The following MTCL1 variants were observed in gnomAD, a reference collection of about 807,000 sequenced individuals.
MTCL1 encodes the protein microtubule crosslinking factor 1.
MTCL1 carries 79 observed loss-of-function variants against 141.4 expected under a neutral mutation model. The ratio of observed to expected loss-of-function variants is 0.56; its 90% CI spans 0.47 to 0.67. The LOEUF (loss-of-function observed/expected upper bound fraction) is 0.67, where lower values mean the gene tolerates loss of function less well. MTCL1 is among the 30% of genes least tolerant of loss of function. The pLI is 0.00. For missense variants in MTCL1, 2,177 were observed against 2,113.9 expected (o/e 1.03, Z -0.59); for synonymous variants, 914 against 875.8 (o/e 1.04, Z -0.77).
At chr18:8,821,644 T>C (rs2076849766) in intron 14 of MTCL1, 146 bp downstream of exon 13, 3 of 504,466 alleles carry the variant, frequency 5.9e-6, no homozygotes, top group Non-Finnish European at 1.1e-5. Flanking sequence ...TGCTTTATTA[T>C]TCATTTCATA....
At position 8,709,908 on chromosome 18, in the gene MTCL1, C is replaced by T. The variant is rs1170175070; in HGVS notation, c.1053+3195C>T. The stretch of plus-strand genomic sequence containing the variant: ...AGGCTGGAATGCAGTGGCGTGATCT[C>T]GGCTCACTGCACCCTCCGCCTCCCA... On this transcript the variant is annotated intron_variant, in intron 1 of 13. Transcript: ENST00000306329. Among the ~76,000 whole-genome samples, 3 of 152,068 alleles carry T rather than the reference C, an allele frequency of 2.0e-5. No individual in the cohort carries two copies. In the East Asian group the frequency reaches 5.8e-4, roughly 29 times the overall value.
intron 7 of MTCL1, among the ~76,000 whole-genome samples, chr18:8,787,931 GTGTGAA>G (rs2075575460): frequency 6.6e-6 from 1 of 152,182 alleles, no homozygotes; most frequent in Non-Finnish European, 1.5e-5. Flanking sequence ...CCTGTCCCTG[GTGTGAA>G]TGTCACTCTG....
At chr18:8,813,031 G>A in exon 12 of MTCL1, 1 of 1,614,214 alleles carries the variant, frequency 6.2e-7, no homozygotes. Context: ...TCCGCTGAGA[G>A]CAAGGGGGCC....
intron 4 of MTCL1, among the ~76,000 whole-genome samples, chr18:8,765,447 TGTG>T (rs2096455319): frequency 6.6e-6 from 1 of 152,208 alleles, no homozygotes; most frequent in Admixed American, 6.5e-5. Flanking sequence ...CAGAGGCAGC[TGTG>T]ATATGGGCAA....
At chr18:8,831,830 A>T (rs750291343) in exon 17 of MTCL1, 1 of 1,549,306 alleles carries the variant, frequency 6.5e-7, no homozygotes, top group South Asian at 1.2e-5. Context: ...TCACAGTATA[A>T]TTCACTGTAA....
At position 8,768,867 on chromosome 18, in the gene MTCL1, C is replaced by G. The variant is rs551618872; in HGVS notation, c.358-8966C>G. On this transcript the variant is annotated intron_variant, in intron 4 of 16. Transcript: ENST00000359865. ...AGTGCAGTGGCGCGATCTTGGCTCACTGCAACCTCCACCTCCCAGGTTCAA... is the reference window on the plus strand; with the variant it reads ...AGTGCAGTGGCGCGATCTTGGCTCAGTGCAACCTCCACCTCCCAGGTTCAA... Among the ~76,000 whole-genome samples, 103 of 149,552 alleles carry G rather than the reference C, an allele frequency of 6.9e-4. 1 individual carries two copies. Among genetic ancestry groups the G allele is most frequent in the Non-Finnish European group, 1.4e-3 (93 of 67,686 alleles).
exon 11 of MTCL1, chr18:8,806,940 G>A: frequency 6.2e-7 from 1 of 1,613,792 alleles, no homozygotes; most frequent in Non-Finnish European, 8.5e-7. Flanking sequence ...CCTTGCTGGA[G>A]GACTTCCGTG....
chr18:8,782,503 C>T (rs1434802848), intron 5 of MTCL1: 1 of 152,212 alleles, frequency 6.6e-6, no homozygotes, highest in African/African-American at 2.4e-5. Context: ...GTTGACTTTC[C>T]ACTGGACCCA....
intron 7 of MTCL1, chr18:8,786,462 A>G: frequency 2.3e-6 from 1 of 432,962 alleles, no homozygotes; most frequent in South Asian, 1.8e-5. Context: ...CTCTGGAGGA[A>G]ACTCTCCTTA....
At chr18:8,739,244 C>T (rs1176086166) in intron 4 of MTCL1, among the ~76,000 whole-genome samples, 1 of 151,882 alleles carries the variant, frequency 6.6e-6, no homozygotes, top group African/African-American at 2.4e-5. Context: ...GACCCTGTCT[C>T]TAAAAAAATT....
intron 4 of MTCL1, among the ~76,000 whole-genome samples, chr18:8,726,038 G>A (rs545498624): frequency 7.4e-4 from 112 of 151,828 alleles, no homozygotes; most frequent in Non-Finnish European, 1.3e-3. Context: ...TGATCTGCCC[G>A]CCTCGGCCTC....
chr18:8,782,170 C>G (rs538674888), intron 5 of MTCL1: 2 of 152,226 alleles, frequency 1.3e-5, no homozygotes, highest in African/African-American at 4.8e-5. Context: ...GCACACGTGA[C>G]GATCCGAAGG....
intron 4 of MTCL1, among the ~76,000 whole-genome samples, chr18:8,758,081 A>G (rs577740590): frequency 3.3e-5 from 5 of 149,908 alleles, no homozygotes; most frequent in African/African-American, 9.9e-5. Context: ...GGAGAGTGCA[A>G]TGGCGCGATC....
chr18:8,827,761 A>G (rs1014462362), intron 15 of MTCL1, among the ~76,000 whole-genome samples: 1 of 152,218 alleles, frequency 6.6e-6, no homozygotes, highest in Admixed American at 6.5e-5. Flanking sequence ...AATAGAAATT[A>G]TTCTTTAAGA....
At chr18:8,711,606 A>G (rs2096092860) in intron 1 of MTCL1, among the ~76,000 whole-genome samples, 1 of 151,828 alleles carries the variant, frequency 6.6e-6, no homozygotes, top group Non-Finnish European at 1.5e-5. Context: ...ATGATATCTC[A>G]TAGTGGTTTT....
chr18:8,809,753 A>G (rs1159527192), intron 11 of MTCL1: 7 of 801,234 alleles, frequency 8.7e-6, no homozygotes, highest in South Asian at 7.7e-5. Context: ...CATCACTGAG[A>G]CAGGAACGCA....
intron 1 of MTCL1, among the ~76,000 whole-genome samples, chr18:8,712,089 C>T (rs2096096412): frequency 6.6e-6 from 1 of 152,218 alleles, no homozygotes; most frequent in Non-Finnish European, 1.5e-5. Flanking sequence ...TCCCCCACCC[C>T]CAAATAGTGT....
rs1301206578 is a variant in MTCL1 at position 8,830,066 on chromosome 18, A to AAC, written c.*18+1111_*18+1112dup. ...CACACAGAACAGATACACAATACAC[A>AAC]ACACACACACTACTTCTATAACAAG... is the stretch of plus-strand genomic sequence containing the variant. On this transcript the variant is annotated intron_variant, in intron 16 of 16. Transcript: ENST00000359865. This position sits in a 1 kb window ranked among gnomAD's most constrained non-coding sequence, Gnocchi z 6.4. The AAC allele has an allele frequency of 2.0e-6, 2 of 985,294 alleles. No homozygotes were observed. The highest frequency in any genetic ancestry group is 1.1e-4 in the East Asian group (1 of 8,818). The allele number at this position is 985,294 out of a possible 1,614,324, so 61.0% of individuals were successfully genotyped here.
exon 6 of MTCL1, chr18:8,784,276 G>C (rs968776325): frequency 6.3e-7 from 1 of 1,595,044 alleles, no homozygotes; most frequent in Non-Finnish European, 8.6e-7. Context: ...GCGATGCCGA[G>C]AGTGATGCGG....
Sources: allele counts gnomAD v4.1 joint callset (sites outside exome capture counted in the v4.1 genomes callset), GRCh38; gene constraint gnomAD v4.1.1; non-coding constraint Gnocchi (gnomAD v3.1); transcripts MANE v1.5; gene names NCBI Gene and HGNC (gene_info 2026-07-23, HGNC 2026-07-21).